WDPCP: variants seen among roughly 807,000 people sequenced by gnomAD.
WDPCP encodes the protein WD repeat-containing and planar cell polarity effector protein fritz homolog.
WDPCP carries 71 observed loss-of-function variants against 93.1 expected under a neutral mutation model. The ratio of observed to expected loss-of-function variants is 0.76; its 90% CI spans 0.63 to 0.93. WDPCP has a LOEUF of 0.93. WDPCP is among the 40% of genes least tolerant of loss of function. WDPCP has a pLI of 0.00. For synonymous variants in WDPCP, 315 were observed against 315.0 expected (o/e 1.00, Z 0.00); for missense variants, 844 against 887.4 (o/e 0.95, Z 0.62).
At position 63,119,712 on chromosome 2, in the gene WDPCP, T is replaced by G. The variant is rs913999592; in HGVS notation, c.*2294A>C. Among the ~76,000 whole-genome samples, 4 of 152,192 alleles carry G rather than the reference T, an allele frequency of 2.6e-5. No individual in the cohort carries two copies. Among genetic ancestry groups the G allele is most frequent in the African/African-American group, 9.7e-5 (4 of 41,444 alleles). ...AAAGGACAACCTGTGAACCTGTCAG[T>G]GCTAGGACAGATACTACCTAGCTGT... On this transcript the variant is annotated 3_prime_UTR_variant, in exon 18 of 18. Transcript: ENST00000272321.
chr2:63,292,132 C>CAAAAAAAA (rs58370764), intron 13 of WDPCP, among the ~76,000 whole-genome samples: 1 of 83,362 alleles, frequency 1.2e-5, no homozygotes, highest in Admixed American at 1.4e-4. Context: ...GACTCCGGCT[C>CAAAAAAAA]AAAAAAAAAA....
At chr2:63,303,890 A>G (rs763192177) in intron 13 of WDPCP, among the ~76,000 whole-genome samples, 58 of 151,736 alleles carry the variant, frequency 3.8e-4, no homozygotes, top group Non-Finnish European at 7.2e-4. Context: ...GCTCAACATC[A>G]CTAATTATCA....
chr2:63,655,721 C>A (rs190991351), intron 2 of WDPCP, among the ~76,000 whole-genome samples: 131 of 152,234 alleles, frequency 8.6e-4, no homozygotes, highest in South Asian at 1.7e-3. Flanking sequence ...TTGTTTACTA[C>A]CTTTTTACAC....
At chr2:63,811,458 C>T (rs907421989) in intron 2 of WDPCP, among the ~76,000 whole-genome samples, 1 of 152,150 alleles carries the variant, frequency 6.6e-6, no homozygotes, top group African/African-American at 2.4e-5. Context: ...GGGCATCCTC[C>T]AGCCAATAGC....
intron 2 of WDPCP, among the ~76,000 whole-genome samples, chr2:63,706,080 T>G (rs1480909589): frequency 6.6e-6 from 1 of 152,306 alleles, no homozygotes; most frequent in East Asian, 1.9e-4. Context: ...TTGATCTTTG[T>G]TGGTTTAAAG....
chr2:63,671,219 G>A (rs769829549), intron 2 of WDPCP, among the ~76,000 whole-genome samples: 5 of 152,088 alleles, frequency 3.3e-5, no homozygotes, highest in South Asian at 4.1e-4. Flanking sequence ...TTGATTAAGG[G>A]TCCAGCTCCT....
intron 17 of WDPCP, among the ~76,000 whole-genome samples, chr2:63,136,554 C>A (rs920226966): frequency 6.6e-6 from 1 of 151,916 alleles, no homozygotes; most frequent in Non-Finnish European, 1.5e-5. Flanking sequence ...TTTTTTTTAA[C>A]TTTTCGGTTC....
chr2:63,416,998 C>T (rs1015904457), intron 9 of WDPCP, among the ~76,000 whole-genome samples: 4 of 152,184 alleles, frequency 2.6e-5, no homozygotes, highest in African/African-American at 7.2e-5. Flanking sequence ...AAGATCATCT[C>T]TTAGAACTGA....
At chr2:63,556,098 T>C (rs1312854786) in intron 1 of WDPCP, among the ~76,000 whole-genome samples, 1 of 152,064 alleles carries the variant, frequency 6.6e-6, no homozygotes, top group Non-Finnish European at 1.5e-5. Flanking sequence ...CTAAGAACCA[T>C]GAGAAAACAT....
intron 8 of WDPCP, among the ~76,000 whole-genome samples, chr2:63,435,986 T>A (rs867218916): frequency 3.3e-5 from 5 of 152,076 alleles, no homozygotes; most frequent in African/African-American, 1.2e-4. Context: ...AAAGATGACA[T>A]CTTGACAGTT....
intron 1 of WDPCP, among the ~76,000 whole-genome samples, chr2:63,517,061 G>A (rs189207686): frequency 3.5e-3 from 534 of 152,054 alleles, no homozygotes; most frequent in Middle Eastern, 0.017. Context: ...TTCTTGGCTC[G>A]TCTTCTTCTA....
In WDPCP at chr2:63,604,903, T is replaced by C. The variant is rs1350310801; in HGVS notation, n.488+45756A>G. On this transcript the variant is annotated intron_variant and non_coding_transcript_variant, in intron 3 of 4. Transcript: ENST00000467687. ...AAAAATCTGTGAGCCTTCTTAACAC[T>C]GAGCGTAAAGAACTCTTGAGAGACT... 1.9e-6 allele frequency: 3 copies of C among 1,609,212 alleles called. No individual in the cohort carries two copies. The African/African-American group carries it at 4.0e-5, about 22-fold the overall frequency.
rs1203885860 is a variant in WDPCP at position 63,120,568 on chromosome 2, C to G, written c.*1438G>C. Among the ~76,000 whole-genome samples the G allele has an allele frequency of 6.7e-6, 1 of 148,544 alleles. No homozygotes were observed. The highest frequency in any genetic ancestry group is 1.5e-5 in the Non-Finnish European group (1 of 67,450). On this transcript the variant is annotated 3_prime_UTR_variant, in exon 18 of 18. Coordinates refer to ENST00000272321, the MANE Select transcript of WDPCP (RefSeq NM_015910.7). ...TTGCAACGGAGTCTTACTTTGTCACCCAGGCTGGAGCGTAATGGTGCGACC... is the reference window on the plus strand; with the variant it reads ...TTGCAACGGAGTCTTACTTTGTCACGCAGGCTGGAGCGTAATGGTGCGACC...
intron 13 of WDPCP, among the ~76,000 whole-genome samples, chr2:63,311,850 G>C (rs1686210606): frequency 6.6e-6 from 1 of 152,044 alleles, no homozygotes; most frequent in African/African-American, 2.4e-5. Flanking sequence ...ATTTTACCAG[G>C]CACCAAACAT....
chr2:63,283,919 A>C (rs577457739), intron 13 of WDPCP, among the ~76,000 whole-genome samples: 209 of 152,340 alleles, frequency 1.4e-3, no homozygotes, highest in Non-Finnish European at 2.2e-3. Context: ...TGAGGAATGA[A>C]GGTGATACAA....
At chr2:63,530,640 A>T (rs563814235) in intron 1 of WDPCP, among the ~76,000 whole-genome samples, 32 of 152,304 alleles carry the variant, frequency 2.1e-4, no homozygotes, top group Middle Eastern at 6.8e-3. Context: ...ACTGTCCTTC[A>T]TCTCTGACCC....
chr2:63,360,416 A>AT (rs199902406), intron 12 of WDPCP, among the ~76,000 whole-genome samples: 5 of 152,056 alleles, frequency 3.3e-5, no homozygotes, highest in African/African-American at 1.2e-4. Context: ...GTTGGTTTTT[A>AT]TTTTTTTTCA....
At chr2:63,532,857 C>T (rs1392464425) in intron 1 of WDPCP, among the ~76,000 whole-genome samples, 2 of 152,166 alleles carry the variant, frequency 1.3e-5, no homozygotes, top group Admixed American at 6.5e-5. Flanking sequence ...TAACACGTAA[C>T]AATATTAACC....
chr2:63,468,417 A>G (rs1699489836), intron 6 of WDPCP, among the ~76,000 whole-genome samples: 1 of 152,186 alleles, frequency 6.6e-6, no homozygotes, highest in Non-Finnish European at 1.5e-5. Context: ...GAATTAAAAC[A>G]GCTGTTTACT....
Sources: allele counts gnomAD v4.1 joint callset (sites outside exome capture counted in the v4.1 genomes callset), GRCh38; gene constraint gnomAD v4.1.1; transcripts MANE v1.5; gene names NCBI Gene and HGNC (gene_info 2026-07-23, HGNC 2026-07-21).